The following MYO1E variants were observed in gnomAD, a reference collection of about 807,000 sequenced individuals.
The protein encoded by MYO1E is unconventional myosin-Ie.
Under a neutral mutation model 151.1 loss-of-function variants are expected in MYO1E, and 68 were observed. The ratio of observed to expected loss-of-function variants is 0.45; its 90% CI spans 0.37 to 0.55. The LOEUF (loss-of-function observed/expected upper bound fraction) is 0.55, where lower values mean the gene tolerates loss of function less well. MYO1E is among the 20% of genes least tolerant of loss of function. The pLI is 0.00. For missense variants in MYO1E, 1,363 were observed against 1,389.3 expected (o/e 0.98, Z 0.30); for synonymous variants, 601 against 501.7 (o/e 1.20, Z -2.64).
chr15:59,153,635 G>A lies in MYO1E; in HGVS notation c.3035C>T (p.Pro1012Leu), dbSNP rs775183403. Residue 1012 changes from proline to leucine, a missense_variant, in exon 26 of 28, where the codon CCA becomes CTA. Transcript: ENST00000288235. The stretch of plus-strand genomic sequence containing the variant: ...GACCTTGAGGAAATCCAGGCTCTCT[G>A]GCGTCTGTGACACTCGGTCTGAACT... ...STSSDRVSQT[P>L]ESLDFLKVPD... 3.7e-6 allele frequency: 6 copies of A among 1,614,158 alleles called. No homozygotes were observed.
chr15:59,134,814 G>A lies in MYO1E; in HGVS notation c.*2566C>T, dbSNP rs1311461011. The A allele has an allele frequency of 3.3e-5, 5 of 152,130 alleles. No homozygotes were observed. The highest frequency in any genetic ancestry group is 5.9e-5 in the Non-Finnish European group (4 of 68,034). 9.4% of individuals were successfully genotyped at this position (152,130 alleles called of 1,614,324 possible). On this transcript the variant is annotated 3_prime_UTR_variant, in exon 28 of 28. Coordinates refer to ENST00000288235, the MANE Select transcript of MYO1E (RefSeq NM_004998.4). ...TTTCCTGGTAAGTGACTCCTAAAGT[G>A]GTCATATTTGCTTAACTGCACAGTG...
intron 1 of MYO1E, among the ~76,000 whole-genome samples, chr15:59,284,640 AAT>A (rs2080376730): frequency 6.8e-6 from 1 of 147,118 alleles, no homozygotes; most frequent in African/African-American, 2.5e-5. Flanking sequence ...AAAAAAAAAA[AAT>A]TTTTTTTTTT....
chr15:59,322,279 A>G (rs772392279), intron 1 of MYO1E, among the ~76,000 whole-genome samples: 5 of 152,146 alleles, frequency 3.3e-5, no homozygotes, highest in Non-Finnish European at 7.3e-5. Flanking sequence ...CACGCAATAT[A>G]CCCAAGTAAC....
intron 1 of MYO1E, among the ~76,000 whole-genome samples, chr15:59,338,144 A>G (rs1227161688): frequency 6.9e-6 from 1 of 145,124 alleles, no homozygotes; most frequent in African/African-American, 2.6e-5. Context: ...GCAAGGCAAG[A>G]AAAAGTGTTC....
rs756726679 is a variant in MYO1E, at chr15:59,161,094, G to C, written c.2764C>G (p.Pro922Ala). 1 of 1,613,696 alleles carries C rather than the reference G, an allele frequency of 6.2e-7. No individual in the cohort carries two copies. The highest frequency in any genetic ancestry group is 1.1e-5 in the South Asian group (1 of 91,054). The change falls in exon 24 of 28, where the codon CCT (proline) becomes GCT (alanine). Residue 922 changes from proline to alanine, a missense_variant. By Grantham distance (27) the Pro-to-Ala change is conservative. Coordinates refer to ENST00000288235, the MANE Select transcript of MYO1E (RefSeq NM_004998.4). ...TTACGGGAGTTCTTGGGCAGTCCAGGTCCGATGCTGACCTGCAGCACTTTG... is the reference window on the plus strand; with the variant it reads ...TTACGGGAGTTCTTGGGCAGTCCAGCTCCGATGCTGACCTGCAGCACTTTG... Reference protein sequence around the residue: ...SNKVLQVSIGPGLPKNSRPTR... With the variant: ...SNKVLQVSIGAGLPKNSRPTR...
intron 4 of MYO1E, among the ~76,000 whole-genome samples, chr15:59,240,425 C>T (rs376584759): frequency 4.0e-5 from 6 of 151,870 alleles, no homozygotes; most frequent in East Asian, 1.9e-4. Context: ...TGGAAACATA[C>T]GGTAAAATAT....
chr15:59,177,414 T>C (rs897266417), intron 19 of MYO1E, among the ~76,000 whole-genome samples: 1 of 152,174 alleles, frequency 6.6e-6, no homozygotes, highest in African/African-American at 2.4e-5. Context: ...AGAAAACTAA[T>C]GGCAAGACTG....
chr15:59,156,799 G>C (rs1368666604), intron 25 of MYO1E, among the ~76,000 whole-genome samples: 1 of 152,198 alleles, frequency 6.6e-6, no homozygotes, highest in Non-Finnish European at 1.5e-5. Flanking sequence ...AATTTTGTGA[G>C]TGATGGAAAA....
chr15:59,166,618 A>G (rs147223585), intron 22 of MYO1E, among the ~76,000 whole-genome samples: 7 of 152,162 alleles, frequency 4.6e-5, no homozygotes, highest in Non-Finnish European at 8.8e-5. Flanking sequence ...AAGCTTTTAT[A>G]AAAGTCTTTC....
At position 59,159,034 on chromosome 15, in the gene MYO1E, G is replaced by A. The variant is rs2079523613; in HGVS notation, c.2786-655C>T. Among the ~76,000 whole-genome samples, 1 of 152,206 alleles carries A rather than the reference G, an allele frequency of 6.6e-6. No individual in the cohort carries two copies. The highest frequency in any genetic ancestry group is 2.4e-5 in the African/African-American group (1 of 41,442). On this transcript the variant is annotated intron_variant, in intron 24 of 27. Transcript: ENST00000288235. This position sits in a 1 kb window ranked among gnomAD's most constrained non-coding sequence, Gnocchi z 4.4. The stretch of plus-strand genomic sequence containing the variant: ...CTATGTGGGGAAGAAAAACAATAGG[G>A]TCTTGAATGGAACAGGAAGGAAGGT...
intron 13 of MYO1E, among the ~76,000 whole-genome samples, chr15:59,209,815 C>CTTTTTTTTTTTTTTTTTTTTTTTT (rs71119441): frequency 1.0e-4 from 5 of 49,838 alleles, no homozygotes; most frequent in Admixed American, 2.8e-4. Flanking sequence ...TTTGAATCAC[C>CTTTTTTTTTTTTTTTTTTTTTTTT]TTTTTTTTTT....
intron 1 of MYO1E, among the ~76,000 whole-genome samples, chr15:59,366,996 G>A (rs4775156): frequency 0.36 from 5,605 of 15,386 alleles, 942 homozygotes; most frequent in Non-Finnish European, 0.44. Context: ...CTGCATTTTC[G>A]CAAAAAAAAA....
At chr15:59,349,168 T>C (rs1420538845) in intron 1 of MYO1E, among the ~76,000 whole-genome samples, 2 of 152,172 alleles carry the variant, frequency 1.3e-5, no homozygotes, top group African/African-American at 2.4e-5. Flanking sequence ...AGGGGATCAT[T>C]TGAAACCTTA....
chr15:59,277,577 C>G (rs1265794848), intron 1 of MYO1E, among the ~76,000 whole-genome samples: 1 of 39,232 alleles, frequency 2.5e-5, no homozygotes, highest in African/African-American at 5.7e-5. Context: ...AAAAAAACAT[C>G]AAAGCCTCAT....
At chr15:59,341,820 T>C (rs2080767475) in intron 1 of MYO1E, among the ~76,000 whole-genome samples, 1 of 152,238 alleles carries the variant, frequency 6.6e-6, no homozygotes, top group Admixed American at 6.5e-5. Flanking sequence ...AGTGCTAGGA[T>C]AAACATGGGA....
chr15:59,261,326 G>C, intron 3 of MYO1E, 94 bp downstream of exon 3: 15 of 775,556 alleles, frequency 1.9e-5, no homozygotes, highest in Non-Finnish European at 3.0e-5. Context: ...ATTCATAATA[G>C]AAAAGTGCAA....
chr15:59,146,288 T>G (rs2140302485), intron 26 of MYO1E, among the ~76,000 whole-genome samples: 1 of 152,316 alleles, frequency 6.6e-6, no homozygotes, highest in African/African-American at 2.4e-5. Flanking sequence ...TAAAAATAAT[T>G]ATTTCATTGA....
chr15:59,175,281 C>A (rs2079618020), intron 19 of MYO1E, among the ~76,000 whole-genome samples: 4 of 152,310 alleles, frequency 2.6e-5, no homozygotes, highest in Admixed American at 2.6e-4. Context: ...GAGTGGCTTA[C>A]ATGACTCTCT....
chr15:59,372,634 C>T lies in MYO1E; in HGVS notation c.-134G>A, dbSNP rs1267551522. On this transcript the variant is annotated 5_prime_UTR_variant, in exon 1 of 28. In the 5' UTR this introduces an upstream ATG that the reference lacks. Coordinates refer to ENST00000288235, the MANE Select transcript of MYO1E (RefSeq NM_004998.4). ...CAGGCTCCCGACACCCAAGCACTCA[C>T]AGGAGCCAATGGGAACCCAGAGGGG... 3.3e-6 allele frequency: 4 copies of T among 1,200,254 alleles called. No homozygotes were observed. Among genetic ancestry groups the T allele is most frequent in the Non-Finnish European group, 4.6e-6 (4 of 864,186 alleles). The allele number at this position is 1,200,254 out of a possible 1,614,324, so 74.4% of individuals were successfully genotyped here. A position where few individuals can be genotyped will look rare whatever the true frequency, so the allele number is the denominator to read the frequency against.
Sources: gnomAD v4.1 joint callset for allele counts (sites outside exome capture counted in the v4.1 genomes callset) on GRCh38, gnomAD v4.1.1 for gene constraint, Gnocchi (gnomAD v3.1) non-coding constraint, MANE v1.5 for transcripts, NCBI Gene and HGNC (gene_info 2026-07-23, HGNC 2026-07-21) for gene names.